The following MALRD1 variants were observed in gnomAD, a reference collection of about 807,000 sequenced individuals.
MALRD1 encodes MAM and LDL-receptor class A domain-containing protein 1.
In MALRD1, 247 loss-of-function variants were observed where a neutral mutation model predicts 242.1. That is an observed-to-expected ratio of 1.02 (90% CI 0.92 to 1.13). MALRD1 has a LOEUF of 1.13. Among genes scored for constraint, MALRD1 ranks in the 50% most tolerant of loss-of-function variants. The pLI, the probability that MALRD1 is intolerant of heterozygous loss-of-function variation, is 0.00. For synonymous variants in MALRD1, 995 were observed against 866.6 expected, an observed-to-expected ratio of 1.15 and a Z score of -2.60; for missense variants, 2,989 against 2,533.1, an observed-to-expected ratio of 1.18 and a Z score of -3.86.
chr10:19,232,880 C>T (rs577885864), intron 18 of MALRD1, among the ~76,000 whole-genome samples: 5 of 152,268 alleles, frequency 3.3e-5, no homozygotes, highest in Admixed American at 1.3e-4. Context: ...AGGCATCCAG[C>T]TTGTCCCCTC....
At chr10:19,410,644 T>TCCTCC (rs1833238507) in intron 28 of MALRD1, among the ~76,000 whole-genome samples, 1 of 127,244 alleles carries the variant, frequency 7.9e-6, no homozygotes, top group African/African-American at 2.9e-5. Context: ...CTCCCTCCCC[T>TCCTCC]CCTCCCCTCC....
rs1167132432 is a variant in MALRD1, at chr10:19,381,893, C to A, written c.4442-5635C>A. Among the ~76,000 whole-genome samples, 141 of 151,924 alleles carry A rather than the reference C, an allele frequency of 9.3e-4. 2 individuals carry two copies. The highest frequency in any genetic ancestry group is 2.1e-4 in the Non-Finnish European group (14 of 67,908). ...ATTAATATTATAGAACAAAAAGCAA[C>A]ATGAGAGTTCAGGGAATAAATGGTA... On this transcript the variant is annotated intron_variant, in intron 26 of 39. Coordinates refer to ENST00000454679, the MANE Select transcript of MALRD1 (RefSeq NM_001142308.3).
rs114035636 is a variant in MALRD1, at chr10:19,634,792, G to A, written c.6137+18869G>A. The stretch of plus-strand genomic sequence containing the variant: ...ACGCTATAAAAACTTAGCAAGAAGA[G>A]TTAGATGCCACAGACCTATTTGAAA... On this transcript the variant is annotated intron_variant, in intron 36 of 39. Transcript: ENST00000454679. Among the ~76,000 whole-genome samples, 1,410 of 152,160 alleles carry A rather than the reference G, an allele frequency of 9.3e-3. 19 individuals are homozygous for A. The highest frequency in any genetic ancestry group is 0.032 in the African/African-American group (1,323 of 41,522).
rs1226964194 is a variant in MALRD1, at chr10:19,606,494, CAGA to C, written c.5945-1282_5945-1280del. On this transcript the variant is annotated intron_variant, in intron 34 of 39. Coordinates refer to ENST00000454679, the MANE Select transcript of MALRD1 (RefSeq NM_001142308.3). The stretch of plus-strand genomic sequence containing the variant: ...CATATTTCTGCTGAACCCTGGTACT[CAGA>C]GGAGCAGGGTTAGAAAACAAGTATA... Among the ~76,000 whole-genome samples the C allele has an allele frequency of 2.0e-5, 3 of 152,112 alleles. No individual in the cohort carries two copies. In the East Asian group the frequency reaches 5.8e-4, roughly 29 times the overall value.
chr10:19,570,853 A>G (rs1836496760), intron 33 of MALRD1, among the ~76,000 whole-genome samples: 1 of 151,958 alleles, frequency 6.6e-6, no homozygotes, highest in Non-Finnish European at 1.5e-5. Flanking sequence ...ATATTTTTAA[A>G]TGTCTTCTTA....
intron 24 of MALRD1, among the ~76,000 whole-genome samples, chr10:19,332,927 G>C (rs1843446739): frequency 6.6e-6 from 1 of 152,036 alleles, no homozygotes; most frequent in African/African-American, 2.4e-5. Flanking sequence ...ACAACGTGCA[G>C]GTTTGTTACA....
At chr10:19,617,805 A>G (rs1839228762) in intron 36 of MALRD1, among the ~76,000 whole-genome samples, 1 of 152,038 alleles carries the variant, frequency 6.6e-6, no homozygotes, top group Non-Finnish European at 1.5e-5. Context: ...AAAATCTCCC[A>G]TGACAAGTTT....
intron 34 of MALRD1, among the ~76,000 whole-genome samples, chr10:19,595,674 C>A (rs1243212324): frequency 6.6e-6 from 1 of 152,098 alleles, no homozygotes; most frequent in African/African-American, 2.4e-5. Context: ...TTTGTTAAAC[C>A]TATCTTTTTC....
At chr10:19,524,157 A>G (rs979865820) in intron 31 of MALRD1, among the ~76,000 whole-genome samples, 2 of 152,138 alleles carry the variant, frequency 1.3e-5, no homozygotes, top group South Asian at 2.1e-4. Context: ...CTCGCTGGCC[A>G]TATTTACATT....
At chr10:19,414,724 C>T (rs7084996) in intron 28 of MALRD1, among the ~76,000 whole-genome samples, 3,806 of 152,056 alleles carry the variant, frequency 0.025, 153 homozygotes, top group African/African-American at 0.082. Flanking sequence ...TGATAATCAG[C>T]ACTGTAGTCG....
intron 39 of MALRD1, among the ~76,000 whole-genome samples, chr10:19,732,096 A>G (rs1835319094): frequency 6.6e-6 from 1 of 152,238 alleles, no homozygotes; most frequent in Non-Finnish European, 1.5e-5. Context: ...ATGAATTTAG[A>G]TGATTCGACA....
chr10:19,729,718 A>ATTTTT (rs1347221983), intron 38 of MALRD1, among the ~76,000 whole-genome samples: 16 of 98,996 alleles, frequency 1.6e-4, no homozygotes, highest in East Asian at 3.0e-4. Flanking sequence ...AAGTCTATTA[A>ATTTTT]TTCTTTTTTT....
At chr10:19,513,451 C>G (rs1284601959) in intron 31 of MALRD1, among the ~76,000 whole-genome samples, 1 of 143,164 alleles carries the variant, frequency 7.0e-6, no homozygotes, top group Non-Finnish European at 1.5e-5. Context: ...TGAAAATTAT[C>G]CAACCTGGCC....
intron 35 of MALRD1, among the ~76,000 whole-genome samples, chr10:19,610,414 C>A (rs1838841179): frequency 6.6e-6 from 1 of 151,890 alleles, no homozygotes; most frequent in Non-Finnish European, 1.5e-5. Context: ...GTTCTGTTCT[C>A]TGCTTCTATG....
chr10:19,444,499 C>G (rs970682791), intron 28 of MALRD1, among the ~76,000 whole-genome samples: 1 of 152,064 alleles, frequency 6.6e-6, no homozygotes, highest in Non-Finnish European at 1.5e-5. Flanking sequence ...GTAAGGCAGG[C>G]TTGGTGGTGA....
In MALRD1 at chr10:19,685,994, C is replaced by A. The variant is rs1220092473; in HGVS notation, c.6138-6288C>A. On this transcript the variant is annotated intron_variant, in intron 36 of 39. Coordinates refer to ENST00000454679, the MANE Select transcript of MALRD1 (RefSeq NM_001142308.3). ...CAATTCTGTTAGCAATGGAGAGTATCTGAGTCATGCAGCACCTAAGTATGT... is the reference window on the plus strand; with the variant it reads ...CAATTCTGTTAGCAATGGAGAGTATATGAGTCATGCAGCACCTAAGTATGT... 2.0e-5 allele frequency among the ~76,000 whole-genome samples: 3 copies of A among 152,086 alleles called. No homozygotes were observed. The South Asian group carries it at 6.2e-4, about 32-fold the overall frequency.
At chr10:19,709,779 A>G (rs1022377461) in intron 38 of MALRD1, among the ~76,000 whole-genome samples, 10 of 152,186 alleles carry the variant, frequency 6.6e-5, no homozygotes, top group Non-Finnish European at 7.3e-5. Flanking sequence ...CCTAATTTAC[A>G]ATTCATGATT....
At chr10:19,539,899 C>CGT (rs1834879106) in intron 32 of MALRD1, among the ~76,000 whole-genome samples, 2 of 70,790 alleles carry the variant, frequency 2.8e-5, no homozygotes, top group Non-Finnish European at 5.4e-5. Context: ...TGTGTGTGTG[C>CGT]GCGCGCGCGT....
Position 19,603,370 on chromosome 10 carries a change from A to G in MALRD1, c.5945-4407A>G, listed in dbSNP as rs190446523. ...TAGTCCATCTTGAATTAATTTTTGTATAAGGTGTAAGGAAGGGATCCAGTT... is the reference window on the plus strand; with the variant it reads ...TAGTCCATCTTGAATTAATTTTTGTGTAAGGTGTAAGGAAGGGATCCAGTT... On this transcript the variant is annotated intron_variant, in intron 34 of 39. Transcript: ENST00000454679. Among the ~76,000 whole-genome samples the G allele has an allele frequency of 6.6e-5, 10 of 152,278 alleles. No individual in the cohort carries two copies. In the East Asian group the frequency reaches 1.5e-3, roughly 24 times the overall value.
Sources: allele counts gnomAD v4.1 joint callset (sites outside exome capture counted in the v4.1 genomes callset), GRCh38; gene constraint gnomAD v4.1.1; transcripts MANE v1.5; gene names NCBI Gene and HGNC (gene_info 2026-07-23, HGNC 2026-07-21).